CATSPERB: variants seen among roughly 807,000 people sequenced by gnomAD.
CATSPERB encodes the protein catsper channel auxiliary subunit beta, also known as cation channel sperm-associated auxiliary subunit beta.
CATSPERB carries 93 observed loss-of-function variants against 128.3 expected under a neutral mutation model. The ratio of observed to expected loss-of-function variants is 0.72; its 90% CI spans 0.61 to 0.86. The LOEUF (loss-of-function observed/expected upper bound fraction) is 0.86. Ranked by LOEUF, CATSPERB falls within the 40% of genes least tolerant of loss-of-function variation. The pLI, the probability that CATSPERB is intolerant of heterozygous loss-of-function variation, is 0.00. For missense variants in CATSPERB, 1,153 were observed against 1,329.5 expected (o/e 0.87, Z 2.06); for synonymous variants, 381 against 448.8 (o/e 0.85, Z 1.91).
At chr14:91,717,201 C>T (rs1401830150) in intron 5 of CATSPERB, among the ~76,000 whole-genome samples, 1 of 152,082 alleles carries the variant, frequency 6.6e-6, no homozygotes, top group Non-Finnish European at 1.5e-5. Context: ...ACAGTGGTTG[C>T]CAGGGACTGG....
intron 20 of CATSPERB, among the ~76,000 whole-genome samples, chr14:91,616,901 C>T (rs962706118): frequency 2.6e-5 from 4 of 151,910 alleles, no homozygotes; most frequent in African/African-American, 9.7e-5. Context: ...GCCACCATGC[C>T]TGGCTAATAT....
Position 91,621,930 on chromosome 14 carries a change from CT to C in CATSPERB, c.1937del (p.Gln646ArgfsTer9). 1.3e-6 allele frequency: 2 copies of C among 1,584,306 alleles called. No homozygotes were observed. Among genetic ancestry groups the C allele is most frequent in the South Asian group, 2.3e-5 (2 of 86,914 alleles). On this transcript the variant is annotated frameshift_variant, in exon 19 of 27. Coordinates refer to ENST00000256343, the MANE Select transcript of CATSPERB (RefSeq NM_024764.4). LOFTEE classifies it high-confidence loss of function. ...YKLTLDSQVV[Q>X]ALFEDTDIEK... is the part of the protein sequence containing the mutation. ...CTATATCTGTATCTTCAAACAAGGC[CT>C]GAACAACTGGAGATTAAACAGAAGA...
chr14:91,591,616 G>A (rs1704680), intron 23 of CATSPERB, among the ~76,000 whole-genome samples: 70,031 of 151,336 alleles, frequency 0.46, 16,889 homozygotes, highest in Admixed American at 0.6. Flanking sequence ...GTATACACAG[G>A]GGTGTGTGTG....
At chr14:91,711,529 C>G (rs2010168037) in intron 5 of CATSPERB, among the ~76,000 whole-genome samples, 1 of 152,170 alleles carries the variant, frequency 6.6e-6, no homozygotes, top group Non-Finnish European at 1.5e-5. Context: ...CTGCACCTGG[C>G]TGGTTTTAAG....
intron 22 of CATSPERB, among the ~76,000 whole-genome samples, chr14:91,597,957 A>T (rs1173284665): frequency 6.6e-6 from 1 of 151,988 alleles, no homozygotes; most frequent in Non-Finnish European, 1.5e-5. Flanking sequence ...AAATTTAATA[A>T]TAATATGACA....
At chr14:91,590,514 G>C (rs1268465622) in intron 23 of CATSPERB, among the ~76,000 whole-genome samples, 1 of 152,096 alleles carries the variant, frequency 6.6e-6, no homozygotes, top group African/African-American at 2.4e-5. Flanking sequence ...CTGGGCGACA[G>C]AGCGAGACTT....
At chr14:91,593,514 A>G (rs993807097) in intron 22 of CATSPERB, among the ~76,000 whole-genome samples, 17 of 152,210 alleles carry the variant, frequency 1.1e-4, no homozygotes, top group African/African-American at 3.6e-4. Flanking sequence ...GCCCTGCTGG[A>G]TTTTGGACCT....
At chr14:91,661,335 A>T (rs1471587812) in intron 14 of CATSPERB, among the ~76,000 whole-genome samples, 2 of 152,038 alleles carry the variant, frequency 1.3e-5, no homozygotes, top group African/African-American at 2.4e-5. Flanking sequence ...TCTCCAACTT[A>T]TGGATATACC....
intron 4 of CATSPERB, among the ~76,000 whole-genome samples, chr14:91,720,586 C>A (rs1277068138): frequency 6.6e-6 from 1 of 151,732 alleles, no homozygotes; most frequent in African/African-American, 2.4e-5. Flanking sequence ...AATTAAAGAT[C>A]TAAATAAATG....
chr14:91,662,359 T>C (rs1743095), intron 14 of CATSPERB, among the ~76,000 whole-genome samples: 117,972 of 152,162 alleles, frequency 0.78, 45,970 homozygotes, highest in East Asian at 0.92. Flanking sequence ...TTACTTAAAT[T>C]CATACATGTT....
rs138303733 is a variant in CATSPERB, at chr14:91,666,515, G to A, written c.1287+3299C>T. ...TTTTTATACATCACAGAGAGAGCAGGGATAGCTCTTGGAATCCTTACTCAG... is the reference window on the plus strand; with the variant it reads ...TTTTTATACATCACAGAGAGAGCAGAGATAGCTCTTGGAATCCTTACTCAG... On this transcript the variant is annotated intron_variant, in intron 14 of 26. Transcript: ENST00000256343. Among the ~76,000 whole-genome samples the A allele has an allele frequency of 9.0e-3, 1,363 of 152,262 alleles. 16 individuals are homozygous for A. Among genetic ancestry groups the A allele is most frequent in the Middle Eastern group, 0.044 (13 of 294 alleles).
At chr14:91,603,530 G>A in intron 22 of CATSPERB, 2 of 830,780 alleles carry the variant, frequency 2.4e-6, no homozygotes, top group Non-Finnish European at 4.1e-6. Flanking sequence ...AGCAAGGAAG[G>A]GGTGCAGGCA....
intron 16 of CATSPERB, among the ~76,000 whole-genome samples, chr14:91,637,379 G>A (rs568841115): frequency 6.6e-6 from 1 of 152,278 alleles, no homozygotes; most frequent in South Asian, 2.1e-4. Context: ...ATAGATGCCA[G>A]GAAAATCAAT....
chr14:91,725,633 C>A (rs1004128262), intron 2 of CATSPERB, among the ~76,000 whole-genome samples: 2 of 152,174 alleles, frequency 1.3e-5, no homozygotes, highest in Non-Finnish European at 2.9e-5. Context: ...TGTATCCCTG[C>A]AGTTTGGGGC....
chr14:91,686,082 G>C (rs1895370441), intron 10 of CATSPERB, among the ~76,000 whole-genome samples: 1 of 152,026 alleles, frequency 6.6e-6, no homozygotes, highest in South Asian at 2.1e-4. Context: ...TCAAGTTTCT[G>C]CTTAAATTTC....
intron 2 of CATSPERB, among the ~76,000 whole-genome samples, chr14:91,725,910 G>C (rs1896112259): frequency 6.6e-6 from 1 of 152,104 alleles, no homozygotes; most frequent in Non-Finnish European, 1.5e-5. Context: ...CAGACCCCAG[G>C]CCTCAGAGCA....
At chr14:91,632,598 T>A (rs189112629) in intron 17 of CATSPERB, among the ~76,000 whole-genome samples, 32 of 152,268 alleles carry the variant, frequency 2.1e-4, no homozygotes, top group African/African-American at 7.7e-4. Context: ...AATTTTAAAA[T>A]GGACAAATCC....
chr14:91,599,028 C>T (rs1279193774), intron 22 of CATSPERB, among the ~76,000 whole-genome samples: 1 of 151,998 alleles, frequency 6.6e-6, no homozygotes, highest in Admixed American at 6.6e-5. Flanking sequence ...CAAAACAAAC[C>T]TCCTTATTGT....
intron 7 of CATSPERB, among the ~76,000 whole-genome samples, chr14:91,700,788 T>C (rs766478975): frequency 2.0e-5 from 3 of 152,010 alleles, no homozygotes; most frequent in Non-Finnish European, 4.4e-5. Context: ...ACCTGAAGTA[T>C]GGCGACAATA....
Sources: gnomAD v4.1 joint callset for allele counts (sites outside exome capture counted in the v4.1 genomes callset) on GRCh38, gnomAD v4.1.1 for gene constraint, MANE v1.5 for transcripts, NCBI Gene and HGNC (gene_info 2026-07-23, HGNC 2026-07-21) for gene names.